Variants in RAPGEF5 observed in about 807,000 individuals in gnomAD.
The protein encoded by RAPGEF5 is M-Ras-regulated GEF.
Under a neutral mutation model 125.2 loss-of-function variants are expected in RAPGEF5, and 65 were observed. The ratio of observed to expected loss-of-function variants is 0.52; its 90% CI spans 0.43 to 0.64. The LOEUF (loss-of-function observed/expected upper bound fraction) is 0.64, where lower values mean the gene tolerates loss of function less well. Among genes scored for constraint, RAPGEF5 ranks in the 30% least tolerant of loss-of-function variants. The pLI, the probability that RAPGEF5 is intolerant of heterozygous loss-of-function variation, is 0.00. For missense variants in RAPGEF5, 958 were observed against 1,048.1 expected, an observed-to-expected ratio of 0.91 and a Z score of 1.19; for synonymous variants, 391 against 385.9, an observed-to-expected ratio of 1.01 and a Z score of -0.16.
intron 24 of RAPGEF5, among the ~76,000 whole-genome samples, chr7:22,130,394 T>C (rs1180595557): frequency 2.0e-5 from 3 of 152,200 alleles, no homozygotes; most frequent in Non-Finnish European, 4.4e-5. Context: ...CAGGAAGCAG[T>C]GGTTCAGAAA....
At chr7:22,212,965 C>T (rs1433637241) in intron 9 of RAPGEF5, among the ~76,000 whole-genome samples, 1 of 152,060 alleles carries the variant, frequency 6.6e-6, no homozygotes, top group Non-Finnish European at 1.5e-5. Context: ...AGAATAAGAA[C>T]CTAATAAAGC....
intron 9 of RAPGEF5, among the ~76,000 whole-genome samples, chr7:22,197,188 G>A (rs1413390637): frequency 1.3e-5 from 2 of 152,318 alleles, no homozygotes; most frequent in East Asian, 1.9e-4. Context: ...TTTAGGTCAG[G>A]AGTGGGGAAA....
At chr7:22,123,872 T>A (rs1346298962) in intron 25 of RAPGEF5, among the ~76,000 whole-genome samples, 2 of 152,270 alleles carry the variant, frequency 1.3e-5, no homozygotes, top group Non-Finnish European at 2.9e-5. Context: ...GTTCTAACCA[T>A]GGCAACTGAC....
At chr7:22,214,155 T>C (rs13230469) in intron 9 of RAPGEF5, among the ~76,000 whole-genome samples, 71,448 of 151,974 alleles carry the variant, frequency 0.47, 17,008 homozygotes, top group East Asian at 0.62. Context: ...AAATTCCGGT[T>C]GAGGCTGAGT....
At chr7:22,323,986 T>C (rs1053255204) in intron 1 of RAPGEF5, among the ~76,000 whole-genome samples, 1 of 152,144 alleles carries the variant, frequency 6.6e-6, no homozygotes, top group African/African-American at 2.4e-5. Flanking sequence ...CTAACATCAG[T>C]GGACAAACCT....
intron 5 of RAPGEF5, among the ~76,000 whole-genome samples, chr7:22,301,465 A>T (rs550957860): frequency 6.6e-6 from 1 of 152,106 alleles, no homozygotes; most frequent in South Asian, 2.1e-4. Flanking sequence ...AATACAAAAA[A>T]TTAGCTGGGC....
chr7:22,237,222 T>A (rs184417785), intron 7 of RAPGEF5, among the ~76,000 whole-genome samples: 46 of 152,320 alleles, frequency 3.0e-4, no homozygotes, highest in African/African-American at 9.4e-4. Context: ...GTACACTTGA[T>A]ATTTTTTAGT....
chr7:22,164,637 A>G (rs2128113632), intron 12 of RAPGEF5, among the ~76,000 whole-genome samples: 1 of 152,210 alleles, frequency 6.6e-6, no homozygotes, highest in Admixed American at 6.5e-5. Flanking sequence ...TTACCGGTTA[A>G]ATTTGCATTT....
intron 1 of RAPGEF5, chr7:22,356,043 C>A: frequency 1.0e-6 from 1 of 985,412 alleles, no homozygotes; most frequent in South Asian, 4.7e-5. Flanking sequence ...TCCTGAGGCC[C>A]TGGCGGGGCC....
At chr7:22,239,181 G>A (rs918783175) in intron 7 of RAPGEF5, among the ~76,000 whole-genome samples, 2 of 152,184 alleles carry the variant, frequency 1.3e-5, no homozygotes, top group African/African-American at 4.8e-5. Flanking sequence ...CCTGTGCTGG[G>A]AGAGTGGAGG....
At chr7:22,281,166 G>C (rs1332107277) in intron 6 of RAPGEF5, among the ~76,000 whole-genome samples, 1 of 152,090 alleles carries the variant, frequency 6.6e-6, no homozygotes, top group East Asian at 1.9e-4. Flanking sequence ...AATTGCCATG[G>C]GTCTTCCTAT....
chr7:22,145,429 T>C (rs1242519586), intron 19 of RAPGEF5, among the ~76,000 whole-genome samples: 3 of 152,224 alleles, frequency 2.0e-5, no homozygotes, highest in Non-Finnish European at 2.9e-5. Context: ...AGAATCCTTA[T>C]ATAAGTGATT....
intron 5 of RAPGEF5, among the ~76,000 whole-genome samples, chr7:22,304,821 T>A (rs117503905): frequency 6.6e-6 from 1 of 152,200 alleles, no homozygotes; most frequent in African/African-American, 2.4e-5. Flanking sequence ...CTCCTTGACT[T>A]TTCTCAGGAC....
chr7:22,149,644 C>T (rs1783556351), intron 18 of RAPGEF5, among the ~76,000 whole-genome samples: 2 of 151,570 alleles, frequency 1.3e-5, no homozygotes, highest in African/African-American at 4.9e-5. Context: ...AGCTGACGTC[C>T]CATCACCATG....
intron 1 of RAPGEF5, among the ~76,000 whole-genome samples, chr7:22,348,598 T>C (rs1784268884): frequency 6.6e-6 from 1 of 152,210 alleles, no homozygotes; most frequent in African/African-American, 2.4e-5. Flanking sequence ...ACCTTCATGT[T>C]TCTTGTCCAA....
intron 1 of RAPGEF5, among the ~76,000 whole-genome samples, chr7:22,337,307 G>A (rs1784045532): frequency 6.6e-6 from 1 of 152,166 alleles, no homozygotes; most frequent in South Asian, 2.1e-4. Context: ...AGGACCAGTT[G>A]TCAAGCGTTG....
At chr7:22,268,164 T>C (rs1055983486) in intron 6 of RAPGEF5, among the ~76,000 whole-genome samples, 2 of 152,182 alleles carry the variant, frequency 1.3e-5, no homozygotes, top group Non-Finnish European at 2.9e-5. Flanking sequence ...AGTCTTGATT[T>C]AGCTGATTCT....
chr7:22,157,861 T>C lies in RAPGEF5; in HGVS notation c.1551A>G (p.Gln517=). The stretch of plus-strand genomic sequence containing the variant: ...TATAGAAGCATCTGCTTACCTTTTT[T>C]TGTGGTGAATATTCATCTACAGTGC... ...RRHTVDEYSP[Q]KKNKALFHQF... The change falls in exon 15 of 26, where the codon CAA becomes CAG. Residue 517 remains glutamine (Q), a synonymous_variant. Coordinates refer to ENST00000665637, the MANE Select transcript of RAPGEF5 (RefSeq NM_012294.5). 1.2e-6 allele frequency: 2 copies of C among 1,612,404 alleles called. No homozygotes were observed. Among genetic ancestry groups the C allele is most frequent in the Non-Finnish European group, 1.7e-6 (2 of 1,178,488 alleles).
At chr7:22,196,170 A>G (rs1371779688) in intron 9 of RAPGEF5, among the ~76,000 whole-genome samples, 2 of 152,242 alleles carry the variant, frequency 1.3e-5, no homozygotes, top group East Asian at 3.8e-4. Context: ...AAATTAATGT[A>G]CAAAGGGAAA....
Sources: allele counts gnomAD v4.1 joint callset (sites outside exome capture counted in the v4.1 genomes callset), GRCh38; gene constraint gnomAD v4.1.1; transcripts MANE v1.5; gene names NCBI Gene and HGNC (gene_info 2026-07-23, HGNC 2026-07-21).